AP3B1: variants seen among roughly 807,000 people sequenced by gnomAD.
The protein encoded by AP3B1 is adaptor related protein complex 3 subunit beta 1.
Under a neutral mutation model 132.5 loss-of-function variants are expected in AP3B1, and 61 were observed. The observed-to-expected ratio is 0.46, with a 90% CI of 0.37 to 0.57. The LOEUF (loss-of-function observed/expected upper bound fraction) is 0.57. Ranked by LOEUF, AP3B1 falls within the 20% of genes least tolerant of loss-of-function variation. The pLI, the probability that AP3B1 is intolerant of heterozygous loss-of-function variation, is 0.00. For synonymous variants in AP3B1, 388 were observed against 438.3 expected (o/e 0.89, Z 1.43); for missense variants, 1,120 against 1,289.4 (o/e 0.87, Z 2.01).
chr5:78,106,258 G>T (rs543439038), intron 20 of AP3B1, among the ~76,000 whole-genome samples: 9 of 151,960 alleles, frequency 5.9e-5, no homozygotes, highest in Admixed American at 4.6e-4. Flanking sequence ...AGGAGGTCGA[G>T]ACCAGCCTGG....
chr5:78,040,004 C>A (rs1748005570), intron 22 of AP3B1, among the ~76,000 whole-genome samples: 1 of 151,450 alleles, frequency 6.6e-6, no homozygotes, highest in Non-Finnish European at 1.5e-5. Flanking sequence ...GGTGTTTTAG[C>A]CAACTACCAA....
intron 7 of AP3B1, among the ~76,000 whole-genome samples, chr5:78,187,796 C>T (rs931143620): frequency 6.6e-6 from 1 of 152,130 alleles, no homozygotes; most frequent in South Asian, 2.1e-4. Flanking sequence ...GCAAAAAGAA[C>T]AAAGCTGGAG....
At chr5:78,198,553 TA>T (rs1745163271) in intron 7 of AP3B1, among the ~76,000 whole-genome samples, 1 of 152,136 alleles carries the variant, frequency 6.6e-6, no homozygotes, top group African/African-American at 2.4e-5. Flanking sequence ...TGACTTCCTC[TA>T]AACTTCATTA....
chr5:78,049,165 G>A (rs933130573), intron 22 of AP3B1, among the ~76,000 whole-genome samples: 1 of 152,160 alleles, frequency 6.6e-6, no homozygotes, highest in African/African-American at 2.4e-5. Context: ...GTTCTGTATT[G>A]CGGTTAGAGA....
chr5:78,147,886 T>G (rs1753478920), intron 14 of AP3B1, among the ~76,000 whole-genome samples: 1 of 151,976 alleles, frequency 6.6e-6, no homozygotes, highest in African/African-American at 2.4e-5. Flanking sequence ...ACACAAAAAT[T>G]ATCCAGGCAC....
chr5:78,084,574 G>C (rs1344935378), intron 22 of AP3B1, among the ~76,000 whole-genome samples: 1 of 138,330 alleles, frequency 7.2e-6, no homozygotes, highest in African/African-American at 2.7e-5. Context: ...AAGAGGAAAA[G>C]GAAAAGGAAA....
rs754016521 is a variant in AP3B1 at position 78,216,240 on chromosome 5, A to G, written c.604-3T>C. On this transcript the variant is annotated splice_region_variant and splice_polypyrimidine_tract_variant and intron_variant, in intron 6 of 26. Transcript: ENST00000255194. Reference sequence around the variant, plus strand: ...ATCACAACACTGCCAGCTACCAACTAGAAAAGAAAGAAATAGTAACTTATT... The same window carrying G: ...ATCACAACACTGCCAGCTACCAACTGGAAAAGAAAGAAATAGTAACTTATT... The G allele has an allele frequency of 1.4e-5, 23 of 1,613,084 alleles. No individual in the cohort carries two copies. The African/African-American group carries it at 2.8e-4, about 20-fold the overall frequency.
chr5:78,120,247 T>C (rs1410283963), intron 17 of AP3B1, among the ~76,000 whole-genome samples: 3 of 152,060 alleles, frequency 2.0e-5, no homozygotes, highest in Non-Finnish European at 2.9e-5. Flanking sequence ...CATGCCAAAA[T>C]GTAAAGACCA....
intron 2 of AP3B1, among the ~76,000 whole-genome samples, chr5:78,253,882 G>A (rs1747742993): frequency 6.6e-6 from 1 of 150,874 alleles, no homozygotes; most frequent in Non-Finnish European, 1.5e-5. Flanking sequence ...CAGGAGAATG[G>A]CATGAACCCG....
chr5:78,097,224 C>T (rs1227212005), intron 21 of AP3B1, among the ~76,000 whole-genome samples: 4 of 122,350 alleles, frequency 3.3e-5, no homozygotes, highest in Admixed American at 8.2e-5. Context: ...CCACCCCGTC[C>T]GGGAGGGAGG....
At chr5:78,245,253 T>C (rs753865198) in intron 2 of AP3B1, among the ~76,000 whole-genome samples, 3 of 152,194 alleles carry the variant, frequency 2.0e-5, no homozygotes, top group African/African-American at 4.8e-5. Context: ...CAATGCGTAA[T>C]AGGCGTAATC....
At chr5:78,105,036 C>T (rs970108967) in intron 20 of AP3B1, among the ~76,000 whole-genome samples, 5 of 152,190 alleles carry the variant, frequency 3.3e-5, no homozygotes, top group Admixed American at 6.5e-5. Flanking sequence ...AGTGCAAGTA[C>T]ATTAAATACT....
chr5:78,159,792 C>CA (rs1743313360), intron 13 of AP3B1, among the ~76,000 whole-genome samples: 1 of 152,188 alleles, frequency 6.6e-6, no homozygotes, highest in Non-Finnish European at 1.5e-5. Flanking sequence ...CAGGTAATTC[C>CA]ACTCTACTTC....
chr5:78,097,073 C>A lies in AP3B1; in HGVS notation c.2470+3880G>T. Among the ~76,000 whole-genome samples the A allele has an allele frequency of 1.6e-5, 2 of 122,246 alleles. 1 individual carries two copies. Among genetic ancestry groups the A allele is most frequent in the African/African-American group, 6.5e-5 (2 of 30,558 alleles). 80.2% of individuals were successfully genotyped at this position (122,246 alleles called of 152,430 possible). A position where few individuals can be genotyped will look rare whatever the true frequency, so the allele number is the denominator to read the frequency against. ...CCGGGAGGGAGGTTGGGGGGTCAGC[C>A]CCCCGCCCGGCCAGCCGCCCCGTCC... On this transcript the variant is annotated intron_variant, in intron 21 of 26. Coordinates refer to ENST00000255194, the MANE Select transcript of AP3B1 (RefSeq NM_003664.5).
intron 22 of AP3B1, among the ~76,000 whole-genome samples, chr5:78,086,846 T>C (rs1219087267): frequency 6.6e-6 from 1 of 151,738 alleles, no homozygotes; most frequent in Non-Finnish European, 1.5e-5. Flanking sequence ...AATACGAAGT[T>C]TTTTTTTTCT....
chr5:78,022,392 T>C lies in AP3B1; in HGVS notation c.2895-1603A>G, dbSNP rs533296156. Among the ~76,000 whole-genome samples the C allele has an allele frequency of 1.2e-4, 19 of 152,308 alleles. No homozygotes were observed. In the South Asian group the frequency reaches 3.9e-3, roughly 32 times the overall value. On this transcript the variant is annotated intron_variant, in intron 24 of 26. Transcript: ENST00000255194. ...TACTTCCAAGAGGAGAAAGAGGGCA[T>C]TCTAGGCCTGTACTTTGGGAATGAT... is the stretch of plus-strand genomic sequence containing the variant.
chr5:78,045,480 T>C (rs1248494201), intron 22 of AP3B1, among the ~76,000 whole-genome samples: 1 of 152,024 alleles, frequency 6.6e-6, no homozygotes, highest in Non-Finnish European at 1.5e-5. Context: ...GCCAAACTTC[T>C]CCAGCATCTA....
intron 22 of AP3B1, among the ~76,000 whole-genome samples, chr5:78,062,037 G>A (rs1749082199): frequency 6.6e-6 from 1 of 152,194 alleles, no homozygotes; most frequent in Non-Finnish European, 1.5e-5. Context: ...AGGATACACA[G>A]TATGAGACTA....
intron 7 of AP3B1, among the ~76,000 whole-genome samples, chr5:78,191,477 T>A (rs1298977249): frequency 6.6e-6 from 1 of 151,310 alleles, no homozygotes; most frequent in African/African-American, 2.4e-5. Flanking sequence ...GAGGCCAGGA[T>A]CCGCCAAAAA....
Sources: allele counts gnomAD v4.1 joint callset (sites outside exome capture counted in the v4.1 genomes callset), GRCh38; gene constraint gnomAD v4.1.1; transcripts MANE v1.5; gene names NCBI Gene and HGNC (gene_info 2026-07-23, HGNC 2026-07-21).